The following DDX41 variants were observed in gnomAD, a reference collection of about 807,000 sequenced individuals.
DDX41 encodes DEAD-box helicase 41.
Under a neutral mutation model 78.8 loss-of-function variants are expected in DDX41, and 50 were observed. The observed-to-expected ratio is 0.63, with a 90% confidence interval of 0.51 to 0.80. DDX41 has a LOEUF of 0.80. DDX41 is among the 30% of genes least tolerant of loss of function. DDX41 has a pLI of 0.00. For synonymous variants in DDX41, 381 were observed against 321.5 expected, an observed-to-expected ratio of 1.19 and a Z score of -1.98; for missense variants, 633 against 849.2, an observed-to-expected ratio of 0.75 and a Z score of 3.16.
intron 6 of DDX41, 188 bp from the exon 7 acceptor site, chr5:177,515,446 AG>A: frequency 1.1e-6 from 1 of 870,816 alleles, no homozygotes; most frequent in Non-Finnish European, 1.9e-6. Flanking sequence ...AGGTGCAGCC[AG>A]GATTTGTACC....
chr5:177,512,377 G>A lies in DDX41; in HGVS notation c.1566C>T (p.Arg522=). The A allele has an allele frequency of 6.2e-7, 1 of 1,614,074 alleles. No homozygotes were observed. The highest frequency in any genetic ancestry group is 8.5e-7 in the Non-Finnish European group (1 of 1,180,020). Residue 522 remains arginine (R), a synonymous_variant, in exon 15 of 17, where the codon CGC becomes CGT. Transcript: ENST00000330503. ...EIENYVHRIG[R]TGRSGNTGIA... The stretch of plus-strand genomic sequence containing the variant: ...TGCCTGTGTTTCCCGAGCGCCCGGT[G>A]CGGCCAATCCGGTGTACTGCAGAGA...
chr5:177,512,857 T>C lies in DDX41; in HGVS notation c.1322A>G (p.Lys441Arg), dbSNP rs1761037847. 1 of 1,613,944 alleles carries C rather than the reference T, an allele frequency of 6.2e-7. No individual in the cohort carries two copies. The highest frequency in any genetic ancestry group is 8.5e-7 in the Non-Finnish European group (1 of 1,180,038). ...GTGGATGGCGTCCACGTCTGCCTTC[T>C]TCTCTGCAAAGATGAGTACCTGTCC... ...TPPPVLIFAE[K>R]KADVDAIHEY... is the part of the protein sequence containing the mutation. The change falls in exon 13 of 17, where the codon AAG becomes AGG. Residue 441 changes from lysine (K) to arginine (R), a missense_variant. Around this residue, in one of 6 missense-constraint regions of DDX41, gnomAD observed 185 missense variants for 367.4 expected, o/e 0.50. Transcript: ENST00000330503.
rs1561732283 is a variant in DDX41 at position 177,513,595 on chromosome 5, TG to T, written c.1098+89del. 5.6e-6 allele frequency: 9 copies of T among 1,602,966 alleles called. No individual in the cohort carries two copies. Among genetic ancestry groups the T allele is most frequent in the Non-Finnish European group, 7.7e-6 (9 of 1,172,572 alleles). On this transcript the variant is annotated intron_variant, in intron 10 of 16. Coordinates refer to ENST00000330503, the MANE Select transcript of DDX41 (RefSeq NM_016222.4). The surrounding 1 kb of genome is among the most constrained non-coding windows in gnomAD (Gnocchi z 4.6). ...AGCCCACAAAGTATGAGCAGTGGGTTGGGGTGGCCAGGGGCATGGGGTCCCT... is the reference window on the plus strand; with the variant it reads ...AGCCCACAAAGTATGAGCAGTGGGTTGGGTGGCCAGGGGCATGGGGTCCCT...
chr5:177,516,685 C>T (rs1235623906), intron 2 of DDX41, 40 bp downstream of exon 2: 7 of 1,547,582 alleles, frequency 4.5e-6, no homozygotes, highest in Non-Finnish European at 5.2e-6. Flanking sequence ...TGCGACCCCG[C>T]GGTCACGGCC....
At position 177,516,775 on chromosome 5, in the gene DDX41, C is replaced by A. The variant is rs559527781; in HGVS notation, c.88G>T (p.Asp30Tyr). The A allele has an allele frequency of 1.1e-5, 18 of 1,612,352 alleles. 2 individuals are homozygous for A. In the Admixed American group the frequency reaches 2.3e-4, roughly 21 times the overall value. Residue 30 changes from aspartate (D) to tyrosine (Y), a missense_variant, in exon 2 of 17, where the codon GAC becomes TAC. This residue lies in a region of DDX41 where 140 missense variants were observed against 115.2 expected (regional missense o/e 1.22). Transcript: ENST00000330503. ...GSRSEAEDED[D>Y]EDYVPYVPLR... The stretch of plus-strand genomic sequence containing the variant: ...GGCACATAGGGCACGTAGTCCTCGT[C>A]GTCCTCATCTTCCGCCTCGGAGCGG...
Position 177,512,507 on chromosome 5 carries a change from A to G in DDX41, c.1538T>C (p.Ile513Thr), listed in dbSNP as rs772902682. The G allele has an allele frequency of 5.0e-6, 8 of 1,613,990 alleles. No homozygotes were observed. Among genetic ancestry groups the G allele is most frequent in the East Asian group, 2.2e-5 (1 of 44,886 alleles). ...HVINYDMPEE[I>T]ENYVHRIGRT... The stretch of plus-strand genomic sequence containing the variant: ...CCCCAGGCTCTTACCATAGTTCTCA[A>G]TCTCCTCTGGCATGTCATAATTGAT... The change falls in exon 14 of 17, where the codon ATT (isoleucine) becomes ACT (threonine). Residue 513 changes from isoleucine to threonine, a missense_variant. Physicochemically the swap from Ile to Thr is moderately conservative, Grantham distance 89. Around this residue, in one of 6 missense-constraint regions of DDX41, gnomAD observed 185 missense variants for 367.4 expected, o/e 0.50. Coordinates refer to ENST00000330503, the MANE Select transcript of DDX41 (RefSeq NM_016222.4).
chr5:177,512,722 A>G (rs768921064), intron 13 of DDX41, 58 bp downstream of exon 13: 13 of 1,613,154 alleles, frequency 8.1e-6, no homozygotes, highest in Non-Finnish European at 1.1e-5. Flanking sequence ...AGGGGAAGGC[A>G]TTAGGTAAAG....
In DDX41 at chr5:177,512,095, C is replaced by G. The variant is rs1440366204; in HGVS notation, c.1732+1G>C. On this transcript the variant is annotated splice_donor_variant, in intron 16 of 16. Transcript: ENST00000330503. LOFTEE classifies it high-confidence loss of function. ...ACTCGGGGATCCCGCTCTGCAGTCA[C>G]CTCCAATGTCCAGCATGGACTCATC... 6.2e-7 allele frequency: 1 copy of G among 1,612,998 alleles called. No individual in the cohort carries two copies. The highest frequency in any genetic ancestry group is 8.5e-7 in the Non-Finnish European group (1 of 1,180,018).
At position 177,512,342 on chromosome 5, in the gene DDX41, G is replaced by C; in HGVS notation, c.1601C>G (p.Thr534Ser). The change falls in exon 15 of 17, where the codon ACC becomes AGC. Residue 534 changes from threonine to serine, a missense_variant. By Grantham distance (58) the Thr-to-Ser change is moderately conservative. Coordinates refer to ENST00000330503, the MANE Select transcript of DDX41 (RefSeq NM_016222.4). ...GRSGNTGIAT[T>S]FINKACDESV... ...CTCACCACACGCTTTGTTGATGAAG[G>C]TAGTGGCGATGCCTGTGTTTCCCGA... 6.2e-7 allele frequency: 1 copy of C among 1,614,044 alleles called. No individual in the cohort carries two copies. The highest frequency in any genetic ancestry group is 2.2e-5 in the East Asian group (1 of 44,882).
Position 177,514,187 on chromosome 5 carries a change from T to G in DDX41, c.936-340A>C, listed in dbSNP as rs1229760188. The stretch of plus-strand genomic sequence containing the variant: ...TCTGTGCTCACCATCTCCCTAATAC[T>G]CAGAAGTCCGTGGAGGAAGGCCTCC... On this transcript the variant is annotated intron_variant, in intron 9 of 16. Coordinates refer to ENST00000330503, the MANE Select transcript of DDX41 (RefSeq NM_016222.4). The surrounding 1 kb of genome is among the most constrained non-coding windows in gnomAD (Gnocchi z 4.2). 1 of 515,208 alleles carries G rather than the reference T, an allele frequency of 1.9e-6. No individual in the cohort carries two copies. The highest frequency in any genetic ancestry group is 3.8e-6 in the Non-Finnish European group (1 of 265,954). The allele number at this position is 515,208 out of a possible 1,614,324, so 31.9% of individuals were successfully genotyped here. A position where few individuals can be genotyped will look rare whatever the true frequency, so the allele number is the denominator to read the frequency against.
At position 177,516,435 on chromosome 5, in the gene DDX41, G is replaced by A; in HGVS notation, c.151C>T (p.Leu51=). 1 of 1,613,630 alleles carries A rather than the reference G, an allele frequency of 6.2e-7. No individual in the cohort carries two copies. The highest frequency in any genetic ancestry group is 8.5e-7 in the Non-Finnish European group (1 of 1,180,026). Reference sequence around the variant, plus strand: ...GCAGCTCCCTTGCGTCTTCGCTGCAGCAGCTTCTGGAGCTGAGGTTCCACC... The same window carrying A: ...GCAGCTCCCTTGCGTCTTCGCTGCAACAGCTTCTGGAGCTGAGGTTCCACC... ...QRRQLLLQKL[L]QRRRKGAAEE... Residue 51 remains leucine (L), a synonymous_variant, in exon 3 of 17, where the codon CTG becomes TTG. Coordinates refer to ENST00000330503, the MANE Select transcript of DDX41 (RefSeq NM_016222.4).
At position 177,512,424 on chromosome 5, in the gene DDX41, A is replaced by G. The variant is rs369110348; in HGVS notation, c.1550-31T>C. The stretch of plus-strand genomic sequence containing the variant: ...GAGAGAAGGACAGAGTCTCTGGCCC[A>G]TCGCTGGACACTAGGGGCCTGGCTT... On this transcript the variant is annotated intron_variant, in intron 14 of 16. Transcript: ENST00000330503. The G allele has an allele frequency of 6.2e-6, 10 of 1,614,002 alleles. No homozygotes were observed. In the African/African-American group the frequency reaches 1.2e-4, roughly 19 times the overall value.
chr5:177,515,326 A>T, intron 6 of DDX41, 68 bp from the exon 7 acceptor site: 1 of 1,462,128 alleles, frequency 6.8e-7, no homozygotes, highest in Non-Finnish European at 9.6e-7. Context: ...AAGCCTGTAA[A>T]ACTGGCACTA....
chr5:177,514,850 G>A lies in DDX41; in HGVS notation c.799-13C>T. 1.9e-6 allele frequency: 3 copies of A among 1,609,100 alleles called. No homozygotes were observed. Among genetic ancestry groups the A allele is most frequent in the Non-Finnish European group, 2.5e-6 (3 of 1,176,704 alleles). On this transcript the variant is annotated splice_polypyrimidine_tract_variant and intron_variant, in intron 8 of 16. Transcript: ENST00000330503. The surrounding 1 kb of genome is among the most constrained non-coding windows in gnomAD (Gnocchi z 4.2). ...GGGCCAGCTCCCGCTGCAGGCAGAG[G>A]GACAAAGGCTGGCACCAGATGGCAG...
chr5:177,515,045 G>A lies in DDX41; in HGVS notation c.669C>T (p.Gly223=), dbSNP rs1761160779. 1.2e-6 allele frequency: 2 copies of A among 1,613,130 alleles called. No individual in the cohort carries two copies. Among genetic ancestry groups the A allele is most frequent in the African/African-American group, 1.3e-5 (1 of 74,922 alleles). The change falls in exon 8 of 17, where the codon GGC becomes GGT. Residue 223 remains glycine (G), a synonymous_variant. Coordinates refer to ENST00000330503, the MANE Select transcript of DDX41 (RefSeq NM_016222.4). ...TCTTGCCTGAACCCGTGAAAGCGAT[G>A]CCTATCATGTCACGGCCAGATAGAC... The part of the protein sequence containing the change: ...PTILSGRDMI[G]IAFTGSGKTL...
chr5:177,515,176 C>G lies in DDX41; in HGVS notation c.644+10G>C, dbSNP rs762124039. 1.3e-5 allele frequency: 21 copies of G among 1,613,906 alleles called. No individual in the cohort carries two copies. In the East Asian group the frequency reaches 4.7e-4, roughly 36 times the overall value. On this transcript the variant is annotated intron_variant, in intron 7 of 16. Coordinates refer to ENST00000330503, the MANE Select transcript of DDX41 (RefSeq NM_016222.4). ...TCCTCAAGGACCCCAGGTCCACAGT[C>G]CACACTCACATGGTGGGGATGCCCT... is the stretch of plus-strand genomic sequence containing the variant.
intron 6 of DDX41, 175 bp from the exon 7 acceptor site, chr5:177,515,433 G>A: frequency 1.1e-6 from 1 of 876,828 alleles, no homozygotes; most frequent in Non-Finnish European, 1.8e-6. Flanking sequence ...AGGCCCACAG[G>A]CTAGGTGCAG....
chr5:177,512,754 C>G (rs1204219818), intron 13 of DDX41, 26 bp downstream of exon 13: 4 of 1,613,538 alleles, frequency 2.5e-6, no homozygotes, highest in Non-Finnish European at 3.4e-6. Context: ...CAGCAGGGTC[C>G]AAGCCAGTGC....
At position 177,513,416 on chromosome 5, in the gene DDX41, G is replaced by T. The variant is rs768748580; in HGVS notation, c.1167C>A (p.Ala389=). ...PKKIQNFAKS[A]LVKPVTINVG... is the part of the protein sequence containing the mutation. ...CATTGATGGTCACAGGCTTTACAAGGGCACTCTTAGCAAAGTTCTGAATCT... is the reference window on the plus strand; with the variant it reads ...CATTGATGGTCACAGGCTTTACAAGTGCACTCTTAGCAAAGTTCTGAATCT... Residue 389 remains alanine (A), a synonymous_variant, in exon 11 of 17, where the codon GCC becomes GCA. Transcript: ENST00000330503. This position sits in a 1 kb window ranked among gnomAD's most constrained non-coding sequence, Gnocchi z 4.6. 6.2e-6 allele frequency: 10 copies of T among 1,614,168 alleles called. No individual in the cohort carries two copies. Among genetic ancestry groups the T allele is most frequent in the Non-Finnish European group, 8.5e-7 (1 of 1,180,022 alleles).
Sources: allele counts gnomAD v4.1 joint callset, GRCh38; gene constraint gnomAD v4.1.1; regional missense constraint gnomAD v4.1.1; non-coding constraint Gnocchi (gnomAD v3.1); transcripts MANE v1.5; gene names NCBI Gene and HGNC (gene_info 2026-07-23, HGNC 2026-07-21).